The following PRKAR1A variants were observed in gnomAD, a reference collection of about 807,000 sequenced individuals.
PRKAR1A encodes the protein protein kinase cAMP-dependent type I regulatory subunit alpha, also known as cAMP-dependent protein kinase type I-alpha regulatory subunit.
Under a neutral mutation model 52.0 loss-of-function variants are expected in PRKAR1A, and 3 were observed. That is an observed-to-expected ratio of 0.06 (90% CI 0.03 to 0.15). PRKAR1A has a LOEUF of 0.15. PRKAR1A is among the 10% of genes least tolerant of loss of function. PRKAR1A has a pLI of 1.00. For missense variants in PRKAR1A, 240 were observed against 477.4 expected, an observed-to-expected ratio of 0.50 and a Z score of 4.63; for synonymous variants, 188 against 168.4, an observed-to-expected ratio of 1.12 and a Z score of -0.90.
chr17:68,485,557 A>G, the PRKAR1A span, among the ~76,000 whole-genome samples: 1 of 152,154 alleles, frequency 6.6e-6, no homozygotes, highest in Non-Finnish European at 1.5e-5. Context: ...TGTTTGTAAA[A>G]TGATGATAAT....
At chr17:68,543,613 T>C in intron 11 of PRKAR1A, 2 of 1,613,052 alleles carry the variant, frequency 1.2e-6, no homozygotes, top group South Asian at 1.1e-5. Context: ...GCCATCTCCA[T>C]GGGGCCAGAC....
intron 11 of PRKAR1A, among the ~76,000 whole-genome samples, chr17:68,547,550 C>G (rs1006991153): frequency 2.2e-4 from 34 of 152,332 alleles, no homozygotes; most frequent in African/African-American, 7.5e-4. Context: ...ACTGCTTCAC[C>G]TTGTACTTTT....
At chr17:68,475,828 A>G in the PRKAR1A span, among the ~76,000 whole-genome samples, 1,876 of 152,270 alleles carry the variant, frequency 0.012, 42 homozygotes, top group African/African-American at 0.041. Context: ...GATTTTCATT[A>G]TAGCCACTTC....
the PRKAR1A span, among the ~76,000 whole-genome samples, chr17:68,439,853 C>G: frequency 1.3e-5 from 2 of 152,154 alleles, no homozygotes; most frequent in Admixed American, 6.5e-5. Flanking sequence ...AGATGCCAAG[C>G]CTTCGTTTCT....
upstream of PRKAR1A, among the ~76,000 whole-genome samples, chr17:68,511,375 G>A (rs1160535271): frequency 6.6e-6 from 1 of 152,008 alleles, no homozygotes; most frequent in East Asian, 1.9e-4. Flanking sequence ...TTCCTCCTTA[G>A]ACAGATACTC....
chr17:68,469,345 T>C, the PRKAR1A span, among the ~76,000 whole-genome samples: 1 of 152,160 alleles, frequency 6.6e-6, no homozygotes, highest in Admixed American at 6.6e-5. Context: ...AGCTTTTTTT[T>C]CTTTTAATCA....
the PRKAR1A span, among the ~76,000 whole-genome samples, chr17:68,481,357 A>G: frequency 3.9e-5 from 6 of 152,360 alleles, no homozygotes; most frequent in African/African-American, 1.2e-4. Flanking sequence ...GAATGAAATA[A>G]TTATACAACT....
intron 11 of PRKAR1A, chr17:68,543,795 G>A (rs1439404905): frequency 7.7e-7 from 1 of 1,296,924 alleles, no homozygotes; most frequent in East Asian, 2.3e-5. Flanking sequence ...TGATGAGCAT[G>A]ACCAGCGAGA....
chr17:68,526,737 AG>A (rs1328588709), intron 7 of PRKAR1A, among the ~76,000 whole-genome samples: 2 of 152,308 alleles, frequency 1.3e-5, no homozygotes, highest in African/African-American at 4.8e-5. Flanking sequence ...GGATACTAGA[AG>A]GGGAACAACA....
rs1298842337 is a variant in PRKAR1A at position 68,530,770 on chromosome 17, A to G, written c.*321A>G. ...AGATCCCAGCACCTATTGAATTACCATAGAGTAATGATGTAACAGTGCAAG... is the reference window on the plus strand; with the variant it reads ...AGATCCCAGCACCTATTGAATTACCGTAGAGTAATGATGTAACAGTGCAAG... On this transcript the variant is annotated 3_prime_UTR_variant, in exon 11 of 11. Coordinates refer to ENST00000589228, the MANE Select transcript of PRKAR1A (RefSeq NM_002734.5). The G allele has an allele frequency of 3.1e-6, 4 of 1,303,028 alleles. No individual in the cohort carries two copies. The highest frequency in any genetic ancestry group is 3.9e-6 in the Non-Finnish European group (4 of 1,016,526). The allele number at this position is 1,303,028 out of a possible 1,614,324, so 80.7% of individuals were successfully genotyped here.
At chr17:68,548,298 G>A (rs954460934) in intron 11 of PRKAR1A, among the ~76,000 whole-genome samples, 1 of 151,902 alleles carries the variant, frequency 6.6e-6, no homozygotes, top group Non-Finnish European at 1.5e-5. Context: ...GGGAGGCTGA[G>A]GTGGGCGGAT....
At chr17:68,514,835 G>A (rs1253705756) in intron 1 of PRKAR1A, 3 of 153,324 alleles carry the variant, frequency 2.0e-5, no homozygotes, top group African/African-American at 4.8e-5. Flanking sequence ...TTTCTTGTGT[G>A]TTTTTAAAAA....
chr17:68,534,633 G>A (rs2086056044), downstream of PRKAR1A, among the ~76,000 whole-genome samples: 1 of 146,654 alleles, frequency 6.8e-6, no homozygotes, highest in Non-Finnish European at 1.5e-5. Flanking sequence ...GCCCCTAAGT[G>A]TAGTGATGAA....
At chr17:68,457,360 G>C in the PRKAR1A span, 3 of 1,544,814 alleles carry the variant, frequency 1.9e-6, no homozygotes, top group Non-Finnish European at 2.6e-6. Flanking sequence ...CTGGTTGAAA[G>C]AGAAGCAGCT....
chr17:68,501,765 C>T, the PRKAR1A span, among the ~76,000 whole-genome samples: 1 of 152,310 alleles, frequency 6.6e-6, no homozygotes, highest in East Asian at 1.9e-4. Context: ...GAACTCAGCT[C>T]TCTTAAACTT....
At chr17:68,510,253 T>C (rs1032079502), upstream of PRKAR1A, among the ~76,000 whole-genome samples, 3 of 151,206 alleles carry the variant, frequency 2.0e-5, no homozygotes, top group African/African-American at 7.3e-5. Flanking sequence ...TAAGCCATGT[T>C]AGCTGTGTGG....
At chr17:68,487,000 A>T in the PRKAR1A span, among the ~76,000 whole-genome samples, 1 of 151,846 alleles carries the variant, frequency 6.6e-6, no homozygotes, top group Non-Finnish European at 1.5e-5. Context: ...CGGCCTCCCC[A>T]GTAGCTGGGA....
chr17:68,464,635 C>T, the PRKAR1A span, among the ~76,000 whole-genome samples: 13 of 150,614 alleles, frequency 8.6e-5, no homozygotes, highest in African/African-American at 2.5e-4. Flanking sequence ...GAGCCGAGAT[C>T]GTGCCGCCGC....
At chr17:68,422,361 G>A in the PRKAR1A span, 1 of 153,672 alleles carries the variant, frequency 6.5e-6, no homozygotes, top group Non-Finnish European at 1.4e-5. Context: ...CCGGGGAGGT[G>A]GAGGCTGCAG....
Sources: allele counts gnomAD v4.1 joint callset (sites outside exome capture counted in the v4.1 genomes callset), GRCh38; gene constraint gnomAD v4.1.1; transcripts MANE v1.5; gene names NCBI Gene and HGNC (gene_info 2026-07-23, HGNC 2026-07-21).